The following CCDC102B variants were observed in gnomAD, a reference collection of about 807,000 sequenced individuals.
CCDC102B encodes the protein coiled-coil domain containing 102B.
In CCDC102B, 75 loss-of-function variants were observed where a neutral mutation model predicts 57.4. The ratio of observed to expected loss-of-function variants is 1.31; its 90% CI spans 1.08 to 1.58. CCDC102B has a LOEUF of 1.58. Among genes scored for constraint, CCDC102B ranks in the 40% most tolerant of loss-of-function variants. The pLI, the probability that CCDC102B is intolerant of heterozygous loss-of-function variation, is 0.00. For synonymous variants in CCDC102B, 206 were observed against 201.9 expected, an observed-to-expected ratio of 1.02 and a Z score of -0.17; for missense variants, 636 against 582.6, an observed-to-expected ratio of 1.09 and a Z score of -0.94.
chr18:68,746,668 C>T (rs1403055067), intron 2 of CCDC102B, among the ~76,000 whole-genome samples: 1 of 151,944 alleles, frequency 6.6e-6, no homozygotes, highest in African/African-American at 2.4e-5. Flanking sequence ...TAAATTTTAT[C>T]CCTAAATTAG....
In CCDC102B at chr18:69,016,823, G is replaced by A. The variant is rs112557751; in HGVS notation, c.1434+5719G>A. On this transcript the variant is annotated intron_variant, in intron 7 of 7. Transcript: ENST00000360242. ...ATGTACATACCTTATTTTCTACATC[G>A]GGAAAAAAGTTTTCTAAGTGGAATT... Among the ~76,000 whole-genome samples, 564 of 151,766 alleles carry A rather than the reference G, an allele frequency of 3.7e-3. 4 individuals are homozygous for A. Among genetic ancestry groups the A allele is most frequent in the Non-Finnish European group, 5.6e-3 (380 of 67,912 alleles).
At chr18:68,932,540 G>A (rs1400369649) in intron 6 of CCDC102B, among the ~76,000 whole-genome samples, 1 of 151,790 alleles carries the variant, frequency 6.6e-6, no homozygotes, top group East Asian at 1.9e-4. Context: ...ATTTTAGTAT[G>A]TTCCTTAGAT....
chr18:69,038,743 T>A (rs1414156570), intron 7 of CCDC102B, among the ~76,000 whole-genome samples: 1 of 151,956 alleles, frequency 6.6e-6, no homozygotes, highest in Non-Finnish European at 1.5e-5. Context: ...TCTATATATT[T>A]ATTAATATAC....
intron 2 of CCDC102B, among the ~76,000 whole-genome samples, chr18:68,748,760 A>C (rs2033729291): frequency 6.6e-6 from 1 of 152,198 alleles, no homozygotes; most frequent in Non-Finnish European, 1.5e-5. Flanking sequence ...GGAACTCTAA[A>C]GTGTAAATTA....
At chr18:68,986,446 T>C (rs1471176674) in intron 6 of CCDC102B, among the ~76,000 whole-genome samples, 3 of 152,190 alleles carry the variant, frequency 2.0e-5, no homozygotes, top group African/African-American at 7.2e-5. Context: ...TCCAACATCC[T>C]TTCATGATAA....
At chr18:68,773,225 T>C (rs2034699719) in intron 2 of CCDC102B, among the ~76,000 whole-genome samples, 2 of 152,006 alleles carry the variant, frequency 1.3e-5, no homozygotes, top group South Asian at 4.1e-4. Flanking sequence ...TTTTAGAGGA[T>C]GTCAACAGCT....
intron 2 of CCDC102B, 36 bp from the exon 3 acceptor site, chr18:68,838,670 G>C (rs771754728): frequency 1.4e-5 from 22 of 1,589,396 alleles, no homozygotes; most frequent in Non-Finnish European, 1.9e-5. Context: ...TTTTCTCCAG[G>C]AGGTTTAAAT....
intron 7 of CCDC102B, among the ~76,000 whole-genome samples, chr18:69,033,164 A>C (rs1304982898): frequency 6.6e-6 from 1 of 152,158 alleles, no homozygotes; most frequent in African/African-American, 2.4e-5. Flanking sequence ...GGATATATTC[A>C]ATTAGCTTAA....
intron 7 of CCDC102B, among the ~76,000 whole-genome samples, chr18:69,013,252 T>C (rs2051569012): frequency 1.3e-5 from 2 of 152,176 alleles, no homozygotes; most frequent in Non-Finnish European, 2.9e-5. Flanking sequence ...GAGGCCATTT[T>C]TTTTTTTAAC....
chr18:68,881,665 GC>G (rs2039697701), intron 5 of CCDC102B, among the ~76,000 whole-genome samples: 5 of 152,108 alleles, frequency 3.3e-5, no homozygotes, highest in Admixed American at 3.3e-4. Flanking sequence ...ACCTTGATCT[GC>G]TCCAGCCTTT....
upstream of CCDC102B, among the ~76,000 whole-genome samples, chr18:68,796,550 T>C (rs2035634673): frequency 6.6e-6 from 1 of 152,088 alleles, no homozygotes; most frequent in Non-Finnish European, 1.5e-5. Context: ...TAATTTAAAC[T>C]ATGAGGATGG....
At chr18:68,750,197 C>A (rs1341390536) in intron 2 of CCDC102B, among the ~76,000 whole-genome samples, 1 of 152,168 alleles carries the variant, frequency 6.6e-6, no homozygotes, top group Non-Finnish European at 1.5e-5. Flanking sequence ...AAAAAATGTT[C>A]ATCATCACTA....
At chr18:68,863,659 C>G (rs893200048) in intron 4 of CCDC102B, among the ~76,000 whole-genome samples, 15 of 151,840 alleles carry the variant, frequency 9.9e-5, no homozygotes, top group Admixed American at 2.6e-4. Flanking sequence ...TTTCTTTAAC[C>G]AAGTAACAAA....
downstream of CCDC102B, among the ~76,000 whole-genome samples, chr18:69,056,754 T>C (rs146716140): frequency 2.0e-4 from 30 of 152,082 alleles, no homozygotes; most frequent in African/African-American, 6.7e-4. Flanking sequence ...TTTTTAAAAA[T>C]TGTAATTGTG....
chr18:68,792,579 C>G (rs1299370890), intron 2 of CCDC102B, among the ~76,000 whole-genome samples: 2 of 152,194 alleles, frequency 1.3e-5, no homozygotes, highest in African/African-American at 4.8e-5. Context: ...TTAATTCATT[C>G]AGGTGTTTGT....
At chr18:68,787,461 A>T (rs2035255699) in intron 2 of CCDC102B, among the ~76,000 whole-genome samples, 1 of 148,234 alleles carries the variant, frequency 6.7e-6, no homozygotes, top group Non-Finnish European at 1.5e-5. Context: ...CTGGTCCTGG[A>T]CTCTTTTTGG....
intron 6 of CCDC102B, among the ~76,000 whole-genome samples, chr18:68,956,565 ATATATT>A (rs1568352822): frequency 3.1e-4 from 2 of 6,470 alleles, no homozygotes; most frequent in Non-Finnish European, 6.9e-4. Context: ...TATATATATT[ATATATT>A]TTATATATAT....
At chr18:68,953,208 A>G (rs2145201675) in intron 6 of CCDC102B, among the ~76,000 whole-genome samples, 1 of 152,246 alleles carries the variant, frequency 6.6e-6, no homozygotes, top group Non-Finnish European at 1.5e-5. Context: ...TACATTTGGG[A>G]CATATTTCTG....
chr18:68,839,526 C>A (rs1019151444), intron 3 of CCDC102B, among the ~76,000 whole-genome samples: 1 of 152,136 alleles, frequency 6.6e-6, no homozygotes, highest in African/African-American at 2.4e-5. Context: ...ATCATTAAAA[C>A]ATATCAACAG....
Sources: gnomAD v4.1 joint callset for allele counts (sites outside exome capture counted in the v4.1 genomes callset) on GRCh38, gnomAD v4.1.1 for gene constraint, MANE v1.5 for transcripts, NCBI Gene and HGNC (gene_info 2026-07-23, HGNC 2026-07-21) for gene names.